KRT77: variants seen among roughly 807,000 people sequenced by gnomAD.
KRT77 encodes the protein keratin, type II cytoskeletal 1b.
In KRT77, 44 loss-of-function variants were observed where a neutral mutation model predicts 51.5. The ratio of observed to expected loss-of-function variants is 0.85; its 90% CI spans 0.67 to 1.10. The LOEUF is 1.10. Ranked by LOEUF, KRT77 falls within the 50% of genes least tolerant of loss-of-function variation. The pLI is 0.00. For synonymous variants in KRT77, 293 were observed against 302.0 expected, an observed-to-expected ratio of 0.97 and a Z score of 0.31; for missense variants, 763 against 743.9, an observed-to-expected ratio of 1.03 and a Z score of -0.30.
intron 1 of KRT77, among the ~76,000 whole-genome samples, chr12:52,700,465 G>A (rs2121075992): frequency 6.6e-6 from 1 of 152,154 alleles, no homozygotes; most frequent in Non-Finnish European, 1.5e-5. Flanking sequence ...GAGGAAGGTG[G>A]GCCTCTCTCT....
rs991894207 is a variant in KRT77 at position 52,692,885 on chromosome 12, G to C, written c.1081-5C>G. On this transcript the variant is annotated splice_region_variant and splice_polypyrimidine_tract_variant and intron_variant, in intron 5 of 8. Coordinates refer to ENST00000341809, the MANE Select transcript of KRT77 (RefSeq NM_175078.3). The stretch of plus-strand genomic sequence containing the variant: ...CGTGATCTGGAGCTCCTGGTACTGG[G>C]GCCAAAGGCAGCATCATAGTCAGCA... 12 of 1,603,226 alleles carry C rather than the reference G, an allele frequency of 7.5e-6. 1 individual carries two copies. Among genetic ancestry groups the C allele is most frequent in the Admixed American group, 6.7e-5 (4 of 59,662 alleles).
chr12:52,692,518 G>T lies in KRT77; in HGVS notation c.1330C>A (p.Arg444=). 2 of 1,614,010 alleles carry T rather than the reference G, an allele frequency of 1.2e-6. No individual in the cohort carries two copies. The highest frequency in any genetic ancestry group is 1.1e-5 in the South Asian group (1 of 91,066). The part of the protein sequence containing the change: ...ALQQSKEELA[R]LLRDYQAMLG... ...ATGGCCTGGTAGTCACGCAGCAGCC[G>T]GGCCAGCTCCTCCTTGGACTGCTGC... is the stretch of plus-strand genomic sequence containing the variant. Residue 444 remains arginine (R), a synonymous_variant, in exon 7 of 9, where the codon CGG becomes AGG. Coordinates refer to ENST00000341809, the MANE Select transcript of KRT77 (RefSeq NM_175078.3).
Position 52,690,474 on chromosome 12 carries a change from AGG to A in KRT77, c.*689_*690del. On this transcript the variant is annotated 3_prime_UTR_variant, in exon 9 of 9. Transcript: ENST00000341809. The stretch of plus-strand genomic sequence containing the variant: ...AGGCTATGGACCAAGAGGCAGGAAT[AGG>A]CCGCTGGTGCAGAGGTTTTCCTTAC... The A allele has an allele frequency of 1.3e-5, 2 of 155,466 alleles. No individual in the cohort carries two copies. The highest frequency in any genetic ancestry group is 6.2e-5 in the Admixed American group (1 of 16,144). The allele number at this position is 155,466 out of a possible 1,614,324, so 9.6% of individuals were successfully genotyped here.
At chr12:52,702,870 T>C (rs761916824) in intron 1 of KRT77, 22 bp downstream of exon 1, 4 of 1,612,838 alleles carry the variant, frequency 2.5e-6, no homozygotes, top group Non-Finnish European at 3.4e-6. Flanking sequence ...CCAATGACCC[T>C]CCCTGCCCCT....
At chr12:52,699,623 C>T (rs1446540986) in intron 1 of KRT77, among the ~76,000 whole-genome samples, 1 of 152,256 alleles carries the variant, frequency 6.6e-6, no homozygotes. Flanking sequence ...CTCCCCTGCA[C>T]AGGGACCTCC....
At chr12:52,702,422 T>A (rs567417904) in intron 1 of KRT77, among the ~76,000 whole-genome samples, 2 of 151,418 alleles carry the variant, frequency 1.3e-5, no homozygotes, top group Admixed American at 6.6e-5. Flanking sequence ...TGTGTGCATG[T>A]GTGTGTGTGT....
intron 3 of KRT77, 38 bp downstream of exon 3, chr12:52,696,332 G>A: frequency 1.2e-6 from 2 of 1,603,194 alleles, no homozygotes; most frequent in Non-Finnish European, 1.7e-6. Context: ...TCAGCCTCCT[G>A]GGTCCACAGC....
rs1941915218 is a variant in KRT77, at chr12:52,703,369, G to T, written c.66C>A (p.Ser22Arg). 1 of 1,613,552 alleles carries T rather than the reference G, an allele frequency of 6.2e-7. No homozygotes were observed. The highest frequency in any genetic ancestry group is 8.5e-7 in the Non-Finnish European group (1 of 1,179,788). ...TCCCACCACCAGAGCCTGCAGAAGA[G>T]CTGGTACTATAAACCCGCCTGCTCA... ...SSMSRRVYST[S>R]SSAGSGGGSP... The change falls in exon 1 of 9, where the codon AGC becomes AGA. Residue 22 changes from serine to arginine, a missense_variant. Coordinates refer to ENST00000341809, the MANE Select transcript of KRT77 (RefSeq NM_175078.3).
chr12:52,690,546 A>C lies in KRT77; in HGVS notation c.*619T>G, dbSNP rs1050310467. 2 of 157,020 alleles carry C rather than the reference A, an allele frequency of 1.3e-5. No homozygotes were observed. The highest frequency in any genetic ancestry group is 4.8e-5 in the African/African-American group (2 of 41,468). The allele number at this position is 157,020 out of a possible 1,614,324, so 9.7% of individuals were successfully genotyped here. On this transcript the variant is annotated 3_prime_UTR_variant, in exon 9 of 9. Coordinates refer to ENST00000341809, the MANE Select transcript of KRT77 (RefSeq NM_175078.3). Reference sequence around the variant, plus strand: ...ATCAGCAACTTCCCCCAAAGGGATCATTATGTGGTCCCCAGCAGGGCAGGG... The same window carrying C: ...ATCAGCAACTTCCCCCAAAGGGATCCTTATGTGGTCCCCAGCAGGGCAGGG...
rs1941824093 is a variant in KRT77, at chr12:52,697,907, G to A, written c.544-11C>T. The A allele has an allele frequency of 1.1e-5, 18 of 1,612,332 alleles. No homozygotes were observed. Among genetic ancestry groups the A allele is most frequent in the Non-Finnish European group, 1.4e-5 (17 of 1,178,820 alleles). On this transcript the variant is annotated splice_polypyrimidine_tract_variant and intron_variant, in intron 1 of 8. Coordinates refer to ENST00000341809, the MANE Select transcript of KRT77 (RefSeq NM_175078.3). ...CTCCAGGAATCGCACCTAAGAGCAA[G>A]AGACCCCAGTCCACCCCAGGCCATG...
chr12:52,700,589 G>A (rs145367663), intron 1 of KRT77, among the ~76,000 whole-genome samples: 1 of 152,306 alleles, frequency 6.6e-6, no homozygotes, highest in East Asian at 1.9e-4. Flanking sequence ...AGGGGCACAG[G>A]AGGCTGCAGA....
rs747742433 is a variant in KRT77, at chr12:52,692,849, T to G, written c.1112A>C (p.His371Pro). ...CTTGCTGTTCTTCAGGTCGTCTCCATGTCTCCCTGCCGTGATCTGGAGCTC... is the reference window on the plus strand; with the variant it reads ...CTTGCTGTTCTTCAGGTCGTCTCCAGGTCTCCCTGCCGTGATCTGGAGCTC... ...YQELQITAGR[H>P]GDDLKNSKME... The change falls in exon 6 of 9, where the codon CAT (histidine) becomes CCT (proline). Residue 371 changes from histidine to proline, a missense_variant. Physicochemically the swap from His to Pro is moderately conservative, Grantham distance 77. Coordinates refer to ENST00000341809, the MANE Select transcript of KRT77 (RefSeq NM_175078.3). 1 of 1,604,082 alleles carries G rather than the reference T, an allele frequency of 6.2e-7. No homozygotes were observed. Among genetic ancestry groups the G allele is most frequent in the Admixed American group, 1.7e-5 (1 of 59,720 alleles).
intron 4 of KRT77, chr12:52,695,068 C>A (rs1342988673): frequency 8.4e-6 from 2 of 239,022 alleles, no homozygotes; most frequent in Non-Finnish European, 1.6e-5. Flanking sequence ...ACTTGGCCAC[C>A]ATAGTGAGCT....
intron 5 of KRT77, among the ~76,000 whole-genome samples, chr12:52,693,099 C>T (rs1482381296): frequency 1.3e-5 from 2 of 150,818 alleles, no homozygotes; most frequent in Non-Finnish European, 3.0e-5. Flanking sequence ...CTCCCGCATT[C>T]CCACCAGTCT....
At chr12:52,691,728 A>G (rs1461850451) in intron 8 of KRT77, among the ~76,000 whole-genome samples, 3 of 152,396 alleles carry the variant, frequency 2.0e-5, no homozygotes, top group Admixed American at 6.5e-5. Context: ...AAAAGGCATC[A>G]TAACAATTAA....
chr12:52,696,488 G>T, intron 2 of KRT77, 58 bp from the exon 3 acceptor site: 3 of 1,415,610 alleles, frequency 2.1e-6, no homozygotes, highest in East Asian at 2.3e-5. Context: ...GCTCCCTGAG[G>T]TCCCTCCTTA....
intron 3 of KRT77, 128 bp downstream of exon 3, chr12:52,696,242 A>G: frequency 1.2e-6 from 1 of 806,200 alleles, no homozygotes; most frequent in Admixed American, 1.8e-5. Flanking sequence ...CCCCGCATTC[A>G]GGCATCATAC....
intron 1 of KRT77, chr12:52,698,203 C>T (rs1012361220): frequency 2.4e-5 from 31 of 1,277,960 alleles, no homozygotes; most frequent in Admixed American, 1.4e-4. Context: ...TCCATGCCAA[C>T]GTAAGGAAAT....
chr12:52,693,343 A>G (rs149754528), intron 5 of KRT77, among the ~76,000 whole-genome samples: 1 of 149,972 alleles, frequency 6.7e-6, no homozygotes, highest in East Asian at 1.9e-4. Flanking sequence ...TTTCCCCTCC[A>G]TCTCTGTTTC....
Sources: gnomAD v4.1 joint callset for allele counts (sites outside exome capture counted in the v4.1 genomes callset) on GRCh38, gnomAD v4.1.1 for gene constraint, MANE v1.5 for transcripts, NCBI Gene and HGNC (gene_info 2026-07-23, HGNC 2026-07-21) for gene names.